Variants in FMN2 observed in about 807,000 individuals in gnomAD.
FMN2 encodes formin-2.
In FMN2, 51 loss-of-function variants were observed where a neutral mutation model predicts 142.3. The observed-to-expected ratio is 0.36, with a 90% CI of 0.29 to 0.45. The LOEUF is 0.45. Ranked by LOEUF, FMN2 falls within the 20% of genes least tolerant of loss-of-function variation. FMN2 has a pLI of 1.00. For synonymous variants in FMN2, 882 were observed against 869.8 expected, an observed-to-expected ratio of 1.01 and a Z score of -0.25; for missense variants, 1,936 against 2,122.8, an observed-to-expected ratio of 0.91 and a Z score of 1.73.
intron 15 of FMN2, among the ~76,000 whole-genome samples, chr1:240,396,918 AGT>A (rs1673799698): frequency 2.0e-5 from 3 of 152,024 alleles, no homozygotes; most frequent in Admixed American, 2.0e-4. Context: ...TGAACATACG[AGT>A]GTGTGTGTTT....
At chr1:240,442,074 T>G (rs1675638684) in intron 16 of FMN2, among the ~76,000 whole-genome samples, 1 of 152,172 alleles carries the variant, frequency 6.6e-6, no homozygotes, top group Non-Finnish European at 1.5e-5. Context: ...CAGCCACATG[T>G]GTCTGTACCT....
At chr1:240,305,771 A>T (rs572184680) in intron 8 of FMN2, among the ~76,000 whole-genome samples, 1 of 151,882 alleles carries the variant, frequency 6.6e-6, no homozygotes, top group Non-Finnish European at 1.5e-5. Context: ...AAATAATTAC[A>T]TGTATATCCC....
At chr1:240,382,565 G>T (rs1162219551) in intron 14 of FMN2, among the ~76,000 whole-genome samples, 1 of 152,020 alleles carries the variant, frequency 6.6e-6, no homozygotes, top group East Asian at 1.9e-4. Flanking sequence ...GGAGGCCGAG[G>T]CAGGAGAATT....
chr1:240,159,949 A>G (rs1664204435), intron 2 of FMN2, among the ~76,000 whole-genome samples: 1 of 123,282 alleles, frequency 8.1e-6, no homozygotes, highest in East Asian at 2.1e-4. Context: ...ATATATATAT[A>G]TCTATATCTG....
intron 5 of FMN2, among the ~76,000 whole-genome samples, chr1:240,210,805 A>G (rs978713303): frequency 1.3e-5 from 2 of 152,270 alleles, no homozygotes; most frequent in Non-Finnish European, 2.9e-5. Context: ...CACTGAGATA[A>G]GTTTTCTTTT....
intron 2 of FMN2, among the ~76,000 whole-genome samples, chr1:240,157,401 T>C (rs963038011): frequency 5.3e-5 from 8 of 152,226 alleles, no homozygotes; most frequent in African/African-American, 1.7e-4. Flanking sequence ...GAAATATCAG[T>C]CACTGAGAGA....
At chr1:240,212,767 A>C (rs536896544) in intron 6 of FMN2, among the ~76,000 whole-genome samples, 187 of 152,262 alleles carry the variant, frequency 1.2e-3, no homozygotes, top group Non-Finnish European at 1.1e-3. Flanking sequence ...AGAGATGTAA[A>C]ATCTGTCTGG....
In FMN2 at chr1:240,371,252, G is replaced by A. The variant is rs533870332; in HGVS notation, c.4858+15344G>A. Among the ~76,000 whole-genome samples the A allele has an allele frequency of 1.2e-4, 18 of 152,164 alleles. No individual in the cohort carries two copies. The South Asian group carries it at 2.5e-3, about 21-fold the overall frequency. ...TGAGATTACAGTCATGAGCCACTGC[G>A]CCTGACCTGAAATGTATTTTTAAAA... On this transcript the variant is annotated intron_variant, in intron 14 of 17. Coordinates refer to ENST00000319653, the MANE Select transcript of FMN2 (RefSeq NM_020066.5).
At position 240,101,975 on chromosome 1, in the gene FMN2, T is replaced by A. The variant is rs142803848; in HGVS notation, c.1615+8251T>A. Among the ~76,000 whole-genome samples the A allele has an allele frequency of 9.9e-3, 1,508 of 152,298 alleles. 49 individuals are homozygous for A. Among genetic ancestry groups the A allele is most frequent in the Admixed American group, 0.078 (1,199 of 15,290 alleles). On this transcript the variant is annotated intron_variant, in intron 1 of 17. Transcript: ENST00000319653. ...TGCAATGTAAGTCATCTCTTGTTCT[T>A]GGATGGATTGTAGGCTTTGAATTTT...
intron 7 of FMN2, among the ~76,000 whole-genome samples, chr1:240,260,173 T>C (rs984683637): frequency 6.6e-6 from 1 of 152,210 alleles, no homozygotes; most frequent in Non-Finnish European, 1.5e-5. Context: ...TTAGGCTGGT[T>C]CCATATTTTT....
intron 6 of FMN2, among the ~76,000 whole-genome samples, chr1:240,256,231 C>T (rs1668445335): frequency 6.6e-6 from 1 of 151,414 alleles, no homozygotes; most frequent in Non-Finnish European, 1.5e-5. Flanking sequence ...ATATTAAATT[C>T]CTACTTTTTA....
rs371789977 is a variant in FMN2, at chr1:240,328,751, C to T, written c.4216-325C>T. Among the ~76,000 whole-genome samples, 153 of 151,912 alleles carry T rather than the reference C, an allele frequency of 1.0e-3. 1 individual carries two copies. Among genetic ancestry groups the T allele is most frequent in the African/African-American group, 3.3e-3 (137 of 41,446 alleles). On this transcript the variant is annotated intron_variant, in intron 8 of 17. Coordinates refer to ENST00000319653, the MANE Select transcript of FMN2 (RefSeq NM_020066.5). ...ATTACAGGCACCTGCCACCATGCCC[C>T]GCTAATTTTTGTATTTTTAGTAGAG...
intron 7 of FMN2, among the ~76,000 whole-genome samples, chr1:240,269,018 A>G (rs1668905027): frequency 6.6e-6 from 1 of 151,748 alleles, no homozygotes; most frequent in African/African-American, 2.4e-5. Context: ...TCTGCACTCT[A>G]TTGTTTTGTT....
At chr1:240,468,183 T>C (rs561077667) in intron 16 of FMN2, among the ~76,000 whole-genome samples, 9 of 149,298 alleles carry the variant, frequency 6.0e-5, no homozygotes, top group Non-Finnish European at 1.0e-4. Context: ...TTTGTGTGAA[T>C]GCATCCACTA....
chr1:240,143,914 G>A (rs878958627), intron 2 of FMN2: 2 of 1,548,510 alleles, frequency 1.3e-6, no homozygotes, highest in Non-Finnish European at 1.8e-6. Flanking sequence ...AGCCAGCGTA[G>A]GCCAAGCCTA....
At position 240,294,903 on chromosome 1, in the gene FMN2, T is replaced by G. The variant is rs541642478; in HGVS notation, c.4215+20T>G. 1.9e-6 allele frequency: 3 copies of G among 1,604,338 alleles called. No homozygotes were observed. The East Asian group carries it at 6.7e-5, about 36-fold the overall frequency. ...GAGAATGTGAGTAATAGAAGGAATT[T>G]TATGTGTGAGTATATAATATGTACA... On this transcript the variant is annotated intron_variant, in intron 8 of 17. Coordinates refer to ENST00000319653, the MANE Select transcript of FMN2 (RefSeq NM_020066.5).
At chr1:240,120,024 T>G (rs1425374998) in intron 1 of FMN2, among the ~76,000 whole-genome samples, 2 of 152,132 alleles carry the variant, frequency 1.3e-5, no homozygotes, top group Admixed American at 6.6e-5. Context: ...GGGGAAAAAT[T>G]TGTTATTTCC....
In FMN2 at chr1:240,330,687, C is replaced by A. The variant is rs1424178083; in HGVS notation, c.4522C>A (p.Arg1508=). The change falls in exon 11 of 18, where the codon CGA becomes AGA. Residue 1508 remains arginine, a synonymous_variant. Coordinates refer to ENST00000319653, the MANE Select transcript of FMN2 (RefSeq NM_020066.5). ...GNYMNGGNKT[R]GQADGFGLDI... ...CTACATGAATGGAGGAAATAAGACTCGAGGACAGGCAGATGGCTTTGGATT... is the reference window on the plus strand; with the variant it reads ...CTACATGAATGGAGGAAATAAGACTAGAGGACAGGCAGATGGCTTTGGATT... 2 of 1,613,974 alleles carry A rather than the reference C, an allele frequency of 1.2e-6. No homozygotes were observed. Among genetic ancestry groups the A allele is most frequent in the Non-Finnish European group, 8.5e-7 (1 of 1,179,932 alleles).
chr1:240,261,710 A>G (rs906134769), intron 7 of FMN2, among the ~76,000 whole-genome samples: 1 of 152,168 alleles, frequency 6.6e-6, no homozygotes, highest in East Asian at 1.9e-4. Flanking sequence ...GAGAGGAGAG[A>G]AGAGGTCAGG....
Sources: gnomAD v4.1 joint callset for allele counts (sites outside exome capture counted in the v4.1 genomes callset) on GRCh38, gnomAD v4.1.1 for gene constraint, MANE v1.5 for transcripts, NCBI Gene and HGNC (gene_info 2026-07-23, HGNC 2026-07-21) for gene names.